LHFPL2: variants seen among roughly 807,000 people sequenced by gnomAD.
The protein encoded by LHFPL2 is LHFPL tetraspan subfamily member 2 protein.
Under a neutral mutation model 17.5 loss-of-function variants are expected in LHFPL2, and 7 were observed. That is an observed-to-expected ratio of 0.40 (90% confidence interval 0.23 to 0.75). The LOEUF is 0.75. LHFPL2 is among the 30% of genes least tolerant of loss of function. The pLI is 0.37. For synonymous variants in LHFPL2, 134 were observed against 116.2 expected (o/e 1.15, Z -0.99); for missense variants, 241 against 294.8 (o/e 0.82, Z 1.34).
At chr5:78,508,750 G>T (rs929528064) in intron 4 of LHFPL2, among the ~76,000 whole-genome samples, 5 of 152,224 alleles carry the variant, frequency 3.3e-5, no homozygotes, top group African/African-American at 4.8e-5. Flanking sequence ...TTTGCTGAGG[G>T]ATGAATCACC....
chr5:78,642,655 C>T (rs967281119), intron 1 of LHFPL2, among the ~76,000 whole-genome samples: 5 of 152,112 alleles, frequency 3.3e-5, no homozygotes, highest in Admixed American at 2.0e-4. Flanking sequence ...AAAAAGAACT[C>T]CCTCTATCAT....
At chr5:78,612,736 C>T (rs1744463171) in intron 2 of LHFPL2, among the ~76,000 whole-genome samples, 1 of 152,254 alleles carries the variant, frequency 6.6e-6, no homozygotes, top group African/African-American at 2.4e-5. Flanking sequence ...ACAGCGACAA[C>T]CCAGAGGCCT....
chr5:78,562,633 T>A (rs1468927126), intron 3 of LHFPL2, among the ~76,000 whole-genome samples: 52 of 95,380 alleles, frequency 5.5e-4, no homozygotes, highest in African/African-American at 1.7e-3. Context: ...AGATTCCACC[T>A]CAAAAAAAAA....
intron 4 of LHFPL2, among the ~76,000 whole-genome samples, chr5:78,499,664 C>T (rs543464613): frequency 6.6e-6 from 1 of 152,308 alleles, no homozygotes; most frequent in African/African-American, 2.4e-5. Flanking sequence ...TGATAAGGAA[C>T]TGTTATCAAG....
intron 4 of LHFPL2, among the ~76,000 whole-genome samples, chr5:78,494,030 G>A (rs1280335258): frequency 6.6e-6 from 1 of 152,168 alleles, no homozygotes; most frequent in Admixed American, 6.5e-5. Flanking sequence ...AAAATGGTCT[G>A]TCTGCTCTCC....
intron 3 of LHFPL2, among the ~76,000 whole-genome samples, chr5:78,535,736 G>A (rs61024929): frequency 0.028 from 4,240 of 152,278 alleles, 189 homozygotes; most frequent in African/African-American, 0.097. Flanking sequence ...CGACACTGCC[G>A]CATGGCTGTA....
At position 78,519,837 on chromosome 5, in the gene LHFPL2, C is replaced by T. The variant is rs116469650; in HGVS notation, c.-185-9439G>A. Among the ~76,000 whole-genome samples, 32 of 152,332 alleles carry T rather than the reference C, an allele frequency of 2.1e-4. No homozygotes were observed. In the South Asian group the frequency reaches 5.4e-3, roughly 26 times the overall value. ...CACTCCTTTTGCCACTTAGATCTTC[C>T]GGTTCTGGAGCCCATCTGGCATGTA... is the stretch of plus-strand genomic sequence containing the variant. On this transcript the variant is annotated intron_variant, in intron 3 of 4. Transcript: ENST00000380345.
At chr5:78,536,017 G>A (rs996958894) in intron 3 of LHFPL2, among the ~76,000 whole-genome samples, 1 of 152,126 alleles carries the variant, frequency 6.6e-6, no homozygotes, top group Non-Finnish European at 1.5e-5. Context: ...AGGTATTCCT[G>A]GCCTTTCTTC....
chr5:78,501,105 A>T (rs892798621), intron 4 of LHFPL2, among the ~76,000 whole-genome samples: 61 of 152,292 alleles, frequency 4.0e-4, no homozygotes, highest in Admixed American at 3.9e-3. Flanking sequence ...TTATATTCTA[A>T]AACAGTGGTT....
At chr5:78,520,859 CCTGCCATT>C (rs1192434518) in intron 3 of LHFPL2, among the ~76,000 whole-genome samples, 1 of 152,198 alleles carries the variant, frequency 6.6e-6, no homozygotes, top group Non-Finnish European at 1.5e-5. Context: ...AGAGATGGAC[CCTGCCATT>C]AAAGGACCCT....
intron 3 of LHFPL2, among the ~76,000 whole-genome samples, chr5:78,562,678 C>A (rs1756761185): frequency 6.6e-6 from 1 of 151,276 alleles, no homozygotes; most frequent in Admixed American, 6.6e-5. Flanking sequence ...GATTGCTCTA[C>A]AATTCAGACA....
intron 3 of LHFPL2, among the ~76,000 whole-genome samples, chr5:78,518,759 C>T (rs1056271039): frequency 1.3e-5 from 2 of 152,166 alleles, no homozygotes; most frequent in African/African-American, 4.8e-5. Context: ...ACAGAAAAAC[C>T]CCTTTTTAAA....
At chr5:78,637,224 T>C (rs1745480529) in intron 1 of LHFPL2, among the ~76,000 whole-genome samples, 1 of 152,132 alleles carries the variant, frequency 6.6e-6, no homozygotes, top group Non-Finnish European at 1.5e-5. Context: ...ATGCTCCAAA[T>C]GAAACAATAG....
intron 1 of LHFPL2, among the ~76,000 whole-genome samples, chr5:78,647,269 A>G (rs1745917989): frequency 6.6e-6 from 1 of 152,244 alleles, no homozygotes; most frequent in Non-Finnish European, 1.5e-5. Flanking sequence ...AGTTTCTAAA[A>G]GAGAACCAGT....
chr5:78,494,333 A>T (rs957298951), intron 4 of LHFPL2: 1 of 983,304 alleles, frequency 1.0e-6, no homozygotes, highest in Non-Finnish European at 1.2e-6. Flanking sequence ...CATGGAAAGA[A>T]GCCATAGGTC....
chr5:78,579,033 T>A (rs1366061681), intron 2 of LHFPL2, among the ~76,000 whole-genome samples: 1 of 152,174 alleles, frequency 6.6e-6, no homozygotes, highest in East Asian at 1.9e-4. Context: ...GTACATTCCG[T>A]CTAACAGGGA....
At chr5:78,537,417 T>C (rs1755983011) in intron 3 of LHFPL2, among the ~76,000 whole-genome samples, 1 of 152,228 alleles carries the variant, frequency 6.6e-6, no homozygotes, top group Non-Finnish European at 1.5e-5. Flanking sequence ...TAGGTGTCAA[T>C]TGCCAGCCCA....
intron 4 of LHFPL2, among the ~76,000 whole-genome samples, chr5:78,489,811 A>G (rs998916453): frequency 8.5e-5 from 13 of 152,376 alleles, no homozygotes; most frequent in Admixed American, 7.8e-4. Context: ...AGCTGTGGCC[A>G]TTCATTTTTG....
chr5:78,561,976 C>A (rs1202973110), intron 3 of LHFPL2, among the ~76,000 whole-genome samples: 1 of 152,170 alleles, frequency 6.6e-6, no homozygotes, highest in Non-Finnish European at 1.5e-5. Context: ...ACAGGCAAAA[C>A]TGAGCAGGTA....
Sources: gnomAD v4.1 joint callset for allele counts (sites outside exome capture counted in the v4.1 genomes callset) on GRCh38, gnomAD v4.1.1 for gene constraint, MANE v1.5 for transcripts, NCBI Gene and HGNC (gene_info 2026-07-23, HGNC 2026-07-21) for gene names.